Variants in VSIG1 observed in about 807,000 individuals in gnomAD.
VSIG1 encodes the protein V-set and immunoglobulin domain-containing protein 1.
In VSIG1, 11 loss-of-function variants were observed where a neutral mutation model predicts 20.1. That is an observed-to-expected ratio of 0.55 (90% confidence interval 0.34 to 0.91). VSIG1 has a LOEUF of 0.91. Ranked by LOEUF, VSIG1 falls within the 40% of genes least tolerant of loss-of-function variation. The pLI, the probability that VSIG1 is intolerant of heterozygous loss-of-function variation, is 0.02. For missense variants in VSIG1, 283 were observed against 298.8 expected, an observed-to-expected ratio of 0.95 and a Z score of 0.39; for synonymous variants, 126 against 116.7, an observed-to-expected ratio of 1.08 and a Z score of -0.52.
intron 3 of VSIG1, among the ~76,000 whole-genome samples, chrX:108,070,169 A>C (rs2031210075): frequency 8.9e-6 from 1 of 112,685 alleles, no homozygotes; most frequent in South Asian, 3.6e-4. Flanking sequence ...ATAAAAAGAA[A>C]ATGATTGATT....
At chrX:108,034,686 C>G in the VSIG1 span, among the ~76,000 whole-genome samples, 1 of 112,316 alleles carries the variant, frequency 8.9e-6, no homozygotes, top group Non-Finnish European at 1.9e-5. Flanking sequence ...CAAATAGTAA[C>G]TTATATAGTT....
intron 1 of VSIG1, among the ~76,000 whole-genome samples, chrX:108,056,733 C>A (rs987284604): frequency 8.9e-6 from 1 of 112,429 alleles, no homozygotes; most frequent in African/African-American, 3.2e-5. Flanking sequence ...TGTGACAACA[C>A]CAAATGCTGG....
chrX:108,061,114 A>T (rs1042534284), intron 2 of VSIG1, among the ~76,000 whole-genome samples: 2 of 112,433 alleles, frequency 1.8e-5, no homozygotes, highest in South Asian at 7.3e-4. Context: ...CTCAACCAAG[A>T]GGTTGCAGAC....
chrX:108,021,140 T>C, the VSIG1 span, among the ~76,000 whole-genome samples: 3 of 111,314 alleles, frequency 2.7e-5, no homozygotes, highest in African/African-American at 9.8e-5. Context: ...AAACTATGAG[T>C]TGGGGGAAAT....
chrX:108,031,534 CT>C, the VSIG1 span, among the ~76,000 whole-genome samples: 3 of 111,734 alleles, frequency 2.7e-5, no homozygotes, highest in Non-Finnish European at 5.6e-5. Context: ...GAGATAACTC[CT>C]GCTCAGATGT....
chrX:108,062,434 C>T (rs2031046875), intron 2 of VSIG1, among the ~76,000 whole-genome samples: 1 of 111,468 alleles, frequency 9.0e-6, no homozygotes, highest in South Asian at 3.8e-4. Context: ...GCAAGTTCTT[C>T]CCCACCCCAC....
chrX:108,047,797 T>TATATATATACATATATATATAC (rs1569286995), intron 1 of VSIG1, among the ~76,000 whole-genome samples: 1 of 69,221 alleles, frequency 1.4e-5, no homozygotes, highest in East Asian at 3.9e-4. Flanking sequence ...TCTCTATATA[T>TATATATATACATATATATATAC]ATATATATAT....
upstream of VSIG1, among the ~76,000 whole-genome samples, chrX:108,042,215 A>G (rs1452256965): frequency 8.9e-6 from 1 of 112,007 alleles, no homozygotes; most frequent in African/African-American, 3.2e-5. Flanking sequence ...GCAGCAGTAT[A>G]GATATTTTAC....
chrX:108,068,790 G>T (rs1299062108), intron 3 of VSIG1, among the ~76,000 whole-genome samples: 1 of 111,814 alleles, frequency 8.9e-6, no homozygotes, highest in Non-Finnish European at 1.9e-5. Flanking sequence ...GGAACTAAGT[G>T]ATGTGCTATA....
chrX:108,045,272 C>A, intron 1 of VSIG1, 93 bp downstream of exon 1: 2 of 711,819 alleles, frequency 2.8e-6, no homozygotes, highest in Non-Finnish European at 2.0e-6. Flanking sequence ...ATTTTCATCT[C>A]CTGTACTTCA....
chrX:108,042,955 G>A (rs1189502112), upstream of VSIG1, among the ~76,000 whole-genome samples: 2 of 110,952 alleles, frequency 1.8e-5, no homozygotes, highest in Non-Finnish European at 3.8e-5. Flanking sequence ...GCTTATACAG[G>A]GGAAAGGGAG....
At chrX:108,061,677 C>A in intron 2 of VSIG1, 1 of 496,287 alleles carries the variant, frequency 2.0e-6, no homozygotes, top group Non-Finnish European at 3.5e-6. Flanking sequence ...AAAACTGGGA[C>A]AGTCTTGAGT....
chrX:108,020,204 C>T, the VSIG1 span, among the ~76,000 whole-genome samples: 1 of 111,654 alleles, frequency 9.0e-6, no homozygotes, highest in Admixed American at 9.5e-5. Context: ...TTCCTTTTAC[C>T]TTTTTTTCTT....
chrX:108,074,013 T>A lies in VSIG1; in HGVS notation c.688+644T>A, dbSNP rs144802852. Among the ~76,000 whole-genome samples the A allele has an allele frequency of 3.2e-4, 36 of 111,956 alleles. No individual in the cohort carries two copies. In the East Asian group the frequency reaches 5.6e-3, roughly 17 times the overall value. ...AATTTTCCTATTCGAAGGTGCTTAC[T>A]CACTCTCTGAGTGTAAGATTTAAGA... On this transcript the variant is annotated intron_variant, in intron 5 of 6. Coordinates refer to ENST00000217957, the MANE Select transcript of VSIG1 (RefSeq NM_182607.5).
the VSIG1 span, among the ~76,000 whole-genome samples, chrX:108,023,889 T>C: frequency 8.9e-6 from 1 of 111,741 alleles, no homozygotes; most frequent in African/African-American, 3.3e-5. Context: ...TGAATAATTC[T>C]GGTGGGTTTT....
At chrX:108,071,070 G>A (rs1299415635) in intron 3 of VSIG1, among the ~76,000 whole-genome samples, 2 of 111,684 alleles carry the variant, frequency 1.8e-5, no homozygotes, top group Non-Finnish European at 3.8e-5. Context: ...TTACAGATGA[G>A]TCAGCTGAGG....
chrX:108,050,686 C>T (rs962589401), intron 1 of VSIG1, among the ~76,000 whole-genome samples: 6 of 111,457 alleles, frequency 5.4e-5, no homozygotes, highest in African/African-American at 2.0e-4. Flanking sequence ...TTAATTACTT[C>T]ATCTTTCTGT....
the VSIG1 span, among the ~76,000 whole-genome samples, chrX:108,021,940 G>A: frequency 8.9e-6 from 1 of 111,822 alleles, no homozygotes; most frequent in Non-Finnish European, 1.9e-5. Flanking sequence ...GTATCACACT[G>A]TTTTGATTAA....
the VSIG1 span, among the ~76,000 whole-genome samples, chrX:108,021,194 C>A: frequency 1.8e-5 from 2 of 111,664 alleles, no homozygotes; most frequent in Non-Finnish European, 3.8e-5. Flanking sequence ...GAAAGGGCAT[C>A]ACAAATATGG....
Sources: gnomAD v4.1 joint callset for allele counts (sites outside exome capture counted in the v4.1 genomes callset) on GRCh38, gnomAD v4.1.1 for gene constraint, MANE v1.5 for transcripts, NCBI Gene and HGNC (gene_info 2026-07-23, HGNC 2026-07-21) for gene names.